Variants in IRF5 observed in about 807,000 individuals in gnomAD.
IRF5 encodes interferon regulatory factor 5.
A neutral mutation model predicts 55.1 loss-of-function variants in IRF5; 24 were observed. That is an observed-to-expected ratio of 0.44 (90% CI 0.32 to 0.61). The LOEUF (loss-of-function observed/expected upper bound fraction) is 0.61. IRF5 is among the 20% of genes least tolerant of loss of function. The pLI is 0.07. For missense variants in IRF5, 499 were observed against 658.5 expected, an observed-to-expected ratio of 0.76 and a Z score of 2.65; for synonymous variants, 258 against 260.2, an observed-to-expected ratio of 0.99 and a Z score of 0.08.
At chr7:128,941,733 G>A (rs1052749784) in intron 1 of IRF5, among the ~76,000 whole-genome samples, 2 of 152,166 alleles carry the variant, frequency 1.3e-5, no homozygotes, top group African/African-American at 4.8e-5. Flanking sequence ...AAGAGCAAGG[G>A]GTGGGCCTAA....
Position 128,945,984 on chromosome 7 carries a change from C to T in IRF5, c.335C>T (p.Pro112Leu). ...TACGACGGGCCCCGGGACATGCCACCTCAGCCCTACAAGATCTACGAGGTC... is the reference window on the plus strand; with the variant it reads ...TACGACGGGCCCCGGGACATGCCACTTCAGCCCTACAAGATCTACGAGGTC... ...LIYDGPRDMP[P>L]QPYKIYEVCS... The change falls in exon 3 of 9, where the codon CCT (proline) becomes CTT (leucine). Residue 112 changes from proline to leucine, a missense_variant. By Grantham distance (98) the Pro-to-Leu change is moderately conservative. Coordinates refer to ENST00000357234, the MANE Select transcript of IRF5 (RefSeq NM_001098629.3). 3.1e-6 allele frequency: 5 copies of T among 1,612,876 alleles called. No individual in the cohort carries two copies. The highest frequency in any genetic ancestry group is 4.2e-6 in the Non-Finnish European group (5 of 1,179,732).
chr7:128,945,487 T>C (rs556802812), intron 2 of IRF5, among the ~76,000 whole-genome samples: 2 of 152,262 alleles, frequency 1.3e-5, no homozygotes, highest in South Asian at 2.1e-4. Context: ...GGCAGTGACA[T>C]GGCCTGGCAC....
intron 2 of IRF5, among the ~76,000 whole-genome samples, chr7:128,943,872 T>G (rs1273977741): frequency 6.6e-6 from 1 of 151,848 alleles, no homozygotes; most frequent in Non-Finnish European, 1.5e-5. Flanking sequence ...CCCAGCCTAA[T>G]TTTTTGATTT....
At chr7:128,939,098 C>G (rs1465730470) in intron 1 of IRF5, among the ~76,000 whole-genome samples, 1 of 151,522 alleles carries the variant, frequency 6.6e-6, no homozygotes, top group Non-Finnish European at 1.5e-5. Context: ...CTGGGCTCCT[C>G]GAGGGCCCAG....
chr7:128,938,920 C>T (rs959751751), intron 1 of IRF5, among the ~76,000 whole-genome samples: 9 of 151,712 alleles, frequency 5.9e-5, no homozygotes, highest in South Asian at 2.1e-4. Context: ...CACAGCAGGG[C>T]GAGGACCGGG....
intron 1 of IRF5, chr7:128,938,267 C>A (rs1472656938): frequency 6.6e-6 from 1 of 152,360 alleles, no homozygotes; most frequent in African/African-American, 2.4e-5. Context: ...CAGCAGGGTG[C>A]GCCCGGCCGG....
chr7:128,948,785 G>T lies in IRF5; in HGVS notation c.1512G>T (p.Gly504=), dbSNP rs776105383. The change falls in exon 9 of 9, where the codon GGG becomes GGT. Residue 504 remains glycine (G), a synonymous_variant. Transcript: ENST00000357234. The surrounding 1 kb of genome is among the most constrained non-coding windows in gnomAD (Gnocchi z 4.6). ...GAGCAGGCCTTGGTGTTGGCCAGGG[G>T]CCCTGGCCTATGCACCCAGCTGGCA... ...PPGAGLGVGQ[G]PWPMHPAGMQ 1.2e-6 allele frequency: 2 copies of T among 1,607,864 alleles called. No individual in the cohort carries two copies. Among genetic ancestry groups the T allele is most frequent in the South Asian group, 1.1e-5 (1 of 91,078 alleles).
Position 128,948,824 on chromosome 7 carries a change from C to T in IRF5, c.*6C>T, listed in dbSNP as rs1796475063. The T allele has an allele frequency of 4.4e-6, 7 of 1,597,400 alleles. No individual in the cohort carries two copies. The South Asian group carries it at 5.5e-5, about 13-fold the overall frequency. On this transcript the variant is annotated 3_prime_UTR_variant, in exon 9 of 9. Transcript: ENST00000357234. This position sits in a 1 kb window ranked among gnomAD's most constrained non-coding sequence, Gnocchi z 4.6. ...ACCCAGCTGGCATGCAATAACAAGG[C>T]TGCAGACGGTGACTGGCCCTGGCTT...
Position 128,947,372 on chromosome 7 carries a change from C to A in IRF5, c.624C>A (p.Pro208=). The change falls in exon 6 of 9, where the codon CCC becomes CCA. Residue 208 remains proline (P), a synonymous_variant. Coordinates refer to ENST00000357234, the MANE Select transcript of IRF5 (RefSeq NM_001098629.3). This position sits in a 1 kb window ranked among gnomAD's most constrained non-coding sequence, Gnocchi z 6.5. ...PTLQPPVVLG[P]PAPDPSPLAP... Reference sequence around the variant, plus strand: ...TGCAGCCGCCCGTGGTGCTGGGTCCCCCTGCTCCAGACCCCAGCCCCCTGG... The same window carrying A: ...TGCAGCCGCCCGTGGTGCTGGGTCCACCTGCTCCAGACCCCAGCCCCCTGG... The A allele has an allele frequency of 6.2e-7, 1 of 1,610,324 alleles. No individual in the cohort carries two copies. Among genetic ancestry groups the A allele is most frequent in the Non-Finnish European group, 8.5e-7 (1 of 1,178,824 alleles).
chr7:128,947,904 C>A lies in IRF5; in HGVS notation c.963C>A (p.Ile321=). 1 of 1,614,096 alleles carries A rather than the reference C, an allele frequency of 6.2e-7. No homozygotes were observed. Among genetic ancestry groups the A allele is most frequent in the Non-Finnish European group, 8.5e-7 (1 of 1,180,016 alleles). ...TGCGCTTCCCCAGCCCTGAGGACAT[C>A]CCCAGTGACAAGCAGCGCTTCTACA... ...EQVRFPSPED[I]PSDKQRFYTN... is the part of the protein sequence containing the mutation. The change falls in exon 7 of 9, where the codon ATC becomes ATA. Residue 321 remains isoleucine, a synonymous_variant. Coordinates refer to ENST00000357234, the MANE Select transcript of IRF5 (RefSeq NM_001098629.3). This position sits in a 1 kb window ranked among gnomAD's most constrained non-coding sequence, Gnocchi z 6.5.
In IRF5 at chr7:128,942,363, C is replaced by T. The variant is rs536294056; in HGVS notation, c.195+87C>T. ...CACATAACGCACACAGGCAGCTCCT[C>T]GAGGCTGGCCACCCGCCCAGCTACC... On this transcript the variant is annotated intron_variant, in intron 2 of 8. Transcript: ENST00000357234. 6.9e-5 allele frequency: 85 copies of T among 1,240,382 alleles called. 2 individuals carry two copies. The South Asian group carries it at 1.0e-3, about 15-fold the overall frequency. 76.8% of individuals were successfully genotyped at this position (1,240,382 alleles called of 1,614,324 possible). A position where few individuals can be genotyped will look rare whatever the true frequency, so the allele number is the denominator to read the frequency against.
In IRF5 at chr7:128,948,887, G is replaced by T; in HGVS notation, c.*69G>T. ...TGCGGACTGATGTGGAGATGTGACAGCCCCGATGAGCACCTGGCTGGCTGC... is the reference window on the plus strand; with the variant it reads ...TGCGGACTGATGTGGAGATGTGACATCCCCGATGAGCACCTGGCTGGCTGC... On this transcript the variant is annotated 3_prime_UTR_variant, in exon 9 of 9. Transcript: ENST00000357234. This position sits in a 1 kb window ranked among gnomAD's most constrained non-coding sequence, Gnocchi z 4.6. 1 of 1,537,798 alleles carries T rather than the reference G, an allele frequency of 6.5e-7. No homozygotes were observed. Among genetic ancestry groups the T allele is most frequent in the Non-Finnish European group, 8.7e-7 (1 of 1,143,214 alleles).
At position 128,942,281 on chromosome 7, in the gene IRF5, G is replaced by A; in HGVS notation, c.195+5G>A. 2 of 1,605,826 alleles carry A rather than the reference G, an allele frequency of 1.2e-6. No homozygotes were observed. Among genetic ancestry groups the A allele is most frequent in the African/African-American group, 2.7e-5 (2 of 74,810 alleles). ...GGAGATAACACCATCTTCAAGGTAA[G>A]CCCCGGGGAGGAGGTTGGCTGGACC... On this transcript the variant is annotated splice_donor_5th_base_variant and intron_variant, in intron 2 of 8. Transcript: ENST00000357234.
intron 1 of IRF5, chr7:128,940,635 A>G: frequency 6.5e-6 from 1 of 153,540 alleles, no homozygotes; most frequent in East Asian, 1.9e-4. Flanking sequence ...CGGTCTAGCC[A>G]CTTTCGTTTC....
chr7:128,947,623 G>T lies in IRF5; in HGVS notation c.787+88G>T, dbSNP rs992464177. 1 of 1,514,932 alleles carries T rather than the reference G, an allele frequency of 6.6e-7. No homozygotes were observed. 93.8% of individuals were successfully genotyped at this position (1,514,932 alleles called of 1,614,324 possible). The stretch of plus-strand genomic sequence containing the variant: ...AGGGTGGAGGGTGCTGGACTCCCTT[G>T]GGTGGGAAAAGTGGGAGGGCGGATG... On this transcript the variant is annotated intron_variant, in intron 6 of 8. Transcript: ENST00000357234. This position sits in a 1 kb window ranked among gnomAD's most constrained non-coding sequence, Gnocchi z 6.5.
chr7:128,944,401 T>C lies in IRF5; in HGVS notation c.196-1444T>C, dbSNP rs147396194. ...ATTGCTGGGTCAAAGGCAATGCTTA[T>C]TTTTTAAAACTTTGGGTACATATTT... is the stretch of plus-strand genomic sequence containing the variant. On this transcript the variant is annotated intron_variant, in intron 2 of 8. Coordinates refer to ENST00000357234, the MANE Select transcript of IRF5 (RefSeq NM_001098629.3). Among the ~76,000 whole-genome samples the C allele has an allele frequency of 5.5e-3, 845 of 152,372 alleles. 11 individuals are homozygous for C. Among genetic ancestry groups the C allele is most frequent in the African/African-American group, 0.019 (798 of 41,588 alleles).
Position 128,947,369 on chromosome 7 carries a change from TCCCCCTGCTCCAGACCCCAG to T in IRF5, c.629_648del (p.Ala210GlyfsTer16), listed in dbSNP as rs1425179998. ...CTCTGCAGCCGCCCGTGGTGCTGGGTCCCCCTGCTCCAGACCCCAGCCCCCTGGCTCCTCCCCCTGGCAAC... is the reference window on the plus strand; with the variant it reads ...CTCTGCAGCCGCCCGTGGTGCTGGGTCCCCCTGGCTCCTCCCCCTGGCAAC... On this transcript the variant is annotated frameshift_variant, in exon 6 of 9. Transcript: ENST00000357234. LOFTEE classifies it high-confidence loss of function. This position sits in a 1 kb window ranked among gnomAD's most constrained non-coding sequence, Gnocchi z 6.5. The T allele has an allele frequency of 1.2e-6, 2 of 1,609,258 alleles. No individual in the cohort carries two copies. The highest frequency in any genetic ancestry group is 1.7e-6 in the Non-Finnish European group (2 of 1,178,324).
upstream of IRF5, among the ~76,000 whole-genome samples, chr7:128,937,316 G>A (rs925945214): frequency 6.6e-6 from 1 of 152,226 alleles, no homozygotes; most frequent in Non-Finnish European, 1.5e-5. Flanking sequence ...AATCGAAAAC[G>A]GTTCAGAACC....
chr7:128,946,377 T>G lies in IRF5; in HGVS notation c.386-124T>G. The G allele has an allele frequency of 6.8e-6, 8 of 1,182,590 alleles. No homozygotes were observed. The highest frequency in any genetic ancestry group is 1.9e-4 in the Middle Eastern group (1 of 5,208). 73.3% of individuals were successfully genotyped at this position (1,182,590 alleles called of 1,614,324 possible). ...TGGCTGTGCCCTCCACCTCGCCCTG[T>G]GTTGGGGGCAGCTTTGGGGAAGGCA... On this transcript the variant is annotated intron_variant, in intron 3 of 8. Coordinates refer to ENST00000357234, the MANE Select transcript of IRF5 (RefSeq NM_001098629.3). This position sits in a 1 kb window ranked among gnomAD's most constrained non-coding sequence, Gnocchi z 4.2.
Sources: allele counts gnomAD v4.1 joint callset (sites outside exome capture counted in the v4.1 genomes callset), GRCh38; gene constraint gnomAD v4.1.1; non-coding constraint Gnocchi (gnomAD v3.1); transcripts MANE v1.5; gene names NCBI Gene and HGNC (gene_info 2026-07-23, HGNC 2026-07-21).